The following GNAQ variants were observed in gnomAD, a reference collection of about 807,000 sequenced individuals.
The protein encoded by GNAQ is G protein subunit alpha q, also known as guanine nucleotide-binding protein G(q) subunit alpha.
GNAQ carries 8 observed loss-of-function variants against 43.9 expected under a neutral mutation model. The ratio of observed to expected loss-of-function variants is 0.18; its 90% CI spans 0.11 to 0.33. The LOEUF is 0.33. Ranked by LOEUF, GNAQ falls within the 10% of genes least tolerant of loss-of-function variation. The pLI, the probability that GNAQ is intolerant of heterozygous loss-of-function variation, is 1.00. For synonymous variants in GNAQ, 155 were observed against 170.7 expected (o/e 0.91, Z 0.71); for missense variants, 158 against 450.8 (o/e 0.35, Z 5.88).
At chr9:77,914,483 A>C (rs1333967252) in intron 2 of GNAQ, among the ~76,000 whole-genome samples, 6 of 152,174 alleles carry the variant, frequency 3.9e-5, no homozygotes, top group Non-Finnish European at 5.9e-5. Context: ...AACATGGAGA[A>C]ACCTTGTCTC....
intron 5 of GNAQ, among the ~76,000 whole-genome samples, chr9:77,765,108 A>G (rs1826113993): frequency 6.6e-6 from 1 of 152,184 alleles, no homozygotes; most frequent in South Asian, 2.1e-4. Flanking sequence ...TAACTTGAGC[A>G]GTTAAGAGCA....
chr9:77,848,619 C>T (rs1827623107), intron 2 of GNAQ, among the ~76,000 whole-genome samples: 1 of 152,212 alleles, frequency 6.6e-6, no homozygotes, highest in Non-Finnish European at 1.5e-5. Context: ...GGTCTCATTG[C>T]CTTCTGAGAT....
intron 1 of GNAQ, among the ~76,000 whole-genome samples, chr9:77,962,899 A>G (rs1823122960): frequency 6.6e-6 from 1 of 151,534 alleles, no homozygotes; most frequent in South Asian, 2.1e-4. Flanking sequence ...TCTCAAAAAA[A>G]AAAAAAAAAA....
intron 1 of GNAQ, among the ~76,000 whole-genome samples, chr9:77,981,783 C>G (rs1823371863): frequency 6.6e-6 from 1 of 152,194 alleles, no homozygotes; most frequent in Admixed American, 6.5e-5. Context: ...AGCTCCAGAA[C>G]TCATCTTCCC....
intron 2 of GNAQ, among the ~76,000 whole-genome samples, chr9:77,909,465 C>T (rs1828762961): frequency 6.6e-6 from 1 of 152,140 alleles, no homozygotes; most frequent in African/African-American, 2.4e-5. Flanking sequence ...CGTTTCACCA[C>T]CTCACAGGGA....
intron 1 of GNAQ, among the ~76,000 whole-genome samples, chr9:77,975,800 T>C (rs1175244009): frequency 1.3e-5 from 2 of 152,084 alleles, no homozygotes; most frequent in Non-Finnish European, 2.9e-5. Context: ...CCTCCCAAAG[T>C]GCTGGGATTA....
Position 77,788,573 on chromosome 9 carries a change from G to C in GNAQ, c.735+5890C>G, listed in dbSNP as rs530549484. 2.6e-5 allele frequency among the ~76,000 whole-genome samples: 4 copies of C among 152,290 alleles called. No homozygotes were observed. The South Asian group carries it at 6.2e-4, about 24-fold the overall frequency. On this transcript the variant is annotated intron_variant, in intron 5 of 6. Transcript: ENST00000286548. ...TGGGGAAGGAGAGAAATGAATCAGG[G>C]AGGGCTACACATAGTCTTTAATTTT...
At chr9:77,929,949 T>C (rs1370289604) in intron 1 of GNAQ, among the ~76,000 whole-genome samples, 13 of 152,198 alleles carry the variant, frequency 8.5e-5, no homozygotes, top group Admixed American at 7.9e-4. Context: ...ATAATGATTA[T>C]CTGAAAAACA....
chr9:77,915,206 C>T (rs924941412), intron 2 of GNAQ, among the ~76,000 whole-genome samples: 2 of 152,154 alleles, frequency 1.3e-5, no homozygotes, highest in African/African-American at 4.8e-5. Context: ...TGAACACAGC[C>T]AGATAAGGAG....
At chr9:77,784,334 G>A (rs1826441709) in intron 5 of GNAQ, among the ~76,000 whole-genome samples, 1 of 151,970 alleles carries the variant, frequency 6.6e-6, no homozygotes, top group South Asian at 2.1e-4. Flanking sequence ...TAAAATAAAA[G>A]TTTAATATAT....
At chr9:77,836,322 C>A (rs1221800257) in intron 2 of GNAQ, among the ~76,000 whole-genome samples, 1 of 152,110 alleles carries the variant, frequency 6.6e-6, no homozygotes, top group Non-Finnish European at 1.5e-5. Flanking sequence ...TTAGTCAATG[C>A]CCAGCAGGAG....
At chr9:78,015,347 T>C (rs1823826120) in intron 1 of GNAQ, among the ~76,000 whole-genome samples, 1 of 152,170 alleles carries the variant, frequency 6.6e-6, no homozygotes, top group African/African-American at 2.4e-5. Flanking sequence ...AACAACATCA[T>C]CTGGCCACAA....
At chr9:77,897,897 AAGTTAGTGAACTTTT>A (rs2118142216) in intron 2 of GNAQ, among the ~76,000 whole-genome samples, 1 of 151,764 alleles carries the variant, frequency 6.6e-6, no homozygotes, top group Admixed American at 6.6e-5. Flanking sequence ...ACAACAACAA[AAGTTAGTGAACTTTT>A]GTTCACTAAC....
At chr9:77,988,885 CT>C (rs1168245077) in intron 1 of GNAQ, among the ~76,000 whole-genome samples, 1 of 152,108 alleles carries the variant, frequency 6.6e-6, no homozygotes, top group East Asian at 1.9e-4. Flanking sequence ...CAGACTATTA[CT>C]TCATAAGATT....
chr9:77,871,274 A>T (rs1409764781), intron 2 of GNAQ, among the ~76,000 whole-genome samples: 5 of 152,168 alleles, frequency 3.3e-5, no homozygotes, highest in Admixed American at 1.3e-4. Flanking sequence ...AGTCCTCTGG[A>T]TTCTCCAGAG....
At chr9:77,742,453 G>GAAGA (rs1407162144) in intron 5 of GNAQ, among the ~76,000 whole-genome samples, 1 of 152,118 alleles carries the variant, frequency 6.6e-6, no homozygotes, top group Non-Finnish European at 1.5e-5. Context: ...CCCCAAATAA[G>GAAGA]AGTTTTCTTC....
intron 5 of GNAQ, among the ~76,000 whole-genome samples, chr9:77,792,861 C>T (rs148832434): frequency 1.3e-5 from 2 of 152,106 alleles, no homozygotes; most frequent in East Asian, 1.9e-4. Flanking sequence ...AAATGACAAC[C>T]TACATAACAA....
At chr9:77,812,197 G>A (rs1195928801) in intron 3 of GNAQ, among the ~76,000 whole-genome samples, 1 of 152,158 alleles carries the variant, frequency 6.6e-6, no homozygotes, top group African/African-American at 2.4e-5. Context: ...TATTAAATCT[G>A]GCAAAAATTA....
chr9:77,975,828 G>A (rs1823294944), intron 1 of GNAQ, among the ~76,000 whole-genome samples: 1 of 152,044 alleles, frequency 6.6e-6, no homozygotes, highest in African/African-American at 2.4e-5. Context: ...GAGCCACTGC[G>A]CTCAGCCCCG....
Sources: gnomAD v4.1 joint callset for allele counts (sites outside exome capture counted in the v4.1 genomes callset) on GRCh38, gnomAD v4.1.1 for gene constraint, MANE v1.5 for transcripts, NCBI Gene and HGNC (gene_info 2026-07-23, HGNC 2026-07-21) for gene names.